Variants in RPS6KA5 observed in about 807,000 individuals in gnomAD.
The protein encoded by RPS6KA5 is ribosomal protein S6 kinase A5.
RPS6KA5 carries 27 observed loss-of-function variants against 85.5 expected under a neutral mutation model. The observed-to-expected ratio is 0.32, with a 90% CI of 0.23 to 0.44. The LOEUF (loss-of-function observed/expected upper bound fraction) is 0.44. Ranked by LOEUF, RPS6KA5 falls within the 20% of genes least tolerant of loss-of-function variation. RPS6KA5 has a pLI of 1.00. For synonymous variants in RPS6KA5, 334 were observed against 348.2 expected (o/e 0.96, Z 0.46); for missense variants, 811 against 980.9 (o/e 0.83, Z 2.31).
intron 5 of RPS6KA5, among the ~76,000 whole-genome samples, chr14:90,931,082 T>C (rs937133550): frequency 2.0e-5 from 3 of 152,222 alleles, no homozygotes; most frequent in Non-Finnish European, 4.4e-5. Flanking sequence ...GAAGAAATAT[T>C]TGCACAACCA....
intron 2 of RPS6KA5, among the ~76,000 whole-genome samples, chr14:90,981,273 A>G (rs959776676): frequency 1.3e-5 from 2 of 152,228 alleles, no homozygotes. Flanking sequence ...CTCTTCTTCT[A>G]TAAGATAATC....
At chr14:90,884,878 G>C (rs1458029522) in intron 14 of RPS6KA5, among the ~76,000 whole-genome samples, 11 of 152,176 alleles carry the variant, frequency 7.2e-5, no homozygotes, top group Admixed American at 5.9e-4. Context: ...ATGTTCAGTA[G>C]ATACTGCCAA....
At chr14:91,042,609 T>G (rs1040948722) in intron 1 of RPS6KA5, among the ~76,000 whole-genome samples, 2 of 152,202 alleles carry the variant, frequency 1.3e-5, no homozygotes, top group Non-Finnish European at 2.9e-5. Context: ...CTTCATAATT[T>G]GAGAAGAAAA....
chr14:90,955,327 G>T (rs1228730377), intron 3 of RPS6KA5, among the ~76,000 whole-genome samples: 2 of 152,122 alleles, frequency 1.3e-5, no homozygotes, highest in Non-Finnish European at 2.9e-5. Context: ...CAGTGCAGTG[G>T]TGTGATCATA....
chr14:91,044,439 AAGAAAG>A (rs1326928943), intron 1 of RPS6KA5, among the ~76,000 whole-genome samples: 6 of 145,890 alleles, frequency 4.1e-5, no homozygotes, highest in Admixed American at 1.4e-4. Flanking sequence ...GAAAGAAAGA[AAGAAAG>A]AAAATTACCC....
intron 4 of RPS6KA5, among the ~76,000 whole-genome samples, chr14:90,943,546 C>A (rs1595287072): frequency 6.6e-6 from 1 of 152,252 alleles, no homozygotes; most frequent in Non-Finnish European, 1.5e-5. Flanking sequence ...CACTTCCTAA[C>A]GGCTTCAGAA....
intron 1 of RPS6KA5, among the ~76,000 whole-genome samples, chr14:91,041,597 A>C (rs1036584594): frequency 2.0e-5 from 3 of 152,230 alleles, no homozygotes; most frequent in African/African-American, 7.2e-5. Flanking sequence ...CATACATAAG[A>C]ACTTAAAAAT....
chr14:90,987,930 A>G lies in RPS6KA5; in HGVS notation c.176-9406T>C, dbSNP rs952890331. Among the ~76,000 whole-genome samples the G allele has an allele frequency of 6.2e-4, 95 of 152,222 alleles. 1 individual carries two copies. Among genetic ancestry groups the G allele is most frequent in the African/African-American group, 2.2e-3 (93 of 41,494 alleles). On this transcript the variant is annotated intron_variant, in intron 2 of 16. Transcript: ENST00000614987. ...AGACCAGCTCCATACTATTCCATTT[A>G]CAAGGTTCTATGTTGTATGGTGTGT...
chr14:90,873,267 G>C (rs2033237135), intron 16 of RPS6KA5, among the ~76,000 whole-genome samples: 1 of 152,124 alleles, frequency 6.6e-6, no homozygotes, highest in Non-Finnish European at 1.5e-5. Context: ...AATGTGTGAT[G>C]TACTAAATGG....
chr14:90,973,642 C>T (rs1360735239), intron 3 of RPS6KA5, among the ~76,000 whole-genome samples: 6 of 151,572 alleles, frequency 4.0e-5, no homozygotes, highest in Non-Finnish European at 5.9e-5. Flanking sequence ...TGGAATGGAA[C>T]GAAGGACTGT....
chr14:90,956,618 G>A (rs1421057310), intron 3 of RPS6KA5, among the ~76,000 whole-genome samples: 1 of 149,664 alleles, frequency 6.7e-6, no homozygotes, highest in Non-Finnish European at 1.5e-5. Flanking sequence ...TTTGTTAACT[G>A]AATATTTTCT....
Position 90,871,496 on chromosome 14 carries a change from T to C in RPS6KA5, c.*578A>G, listed in dbSNP as rs1479161340. The C allele has an allele frequency of 2.6e-5, 4 of 151,860 alleles. No homozygotes were observed. Among genetic ancestry groups the C allele is most frequent in the African/African-American group, 9.7e-5 (4 of 41,382 alleles). The allele number at this position is 151,860 out of a possible 1,614,324, so 9.4% of individuals were successfully genotyped here. Reference sequence around the variant, plus strand: ...ACCTTGAGTTCTTATATCTTTTTTTTTTTTTTTCACTTTTTAGAAAAAGTT... The same window carrying C: ...ACCTTGAGTTCTTATATCTTTTTTTCTTTTTTTCACTTTTTAGAAAAAGTT... On this transcript the variant is annotated 3_prime_UTR_variant, in exon 17 of 17. Coordinates refer to ENST00000614987, the MANE Select transcript of RPS6KA5 (RefSeq NM_004755.4).
intron 7 of RPS6KA5, among the ~76,000 whole-genome samples, chr14:90,915,224 G>T (rs1270056943): frequency 6.6e-6 from 1 of 152,164 alleles, no homozygotes; most frequent in Non-Finnish European, 1.5e-5. Flanking sequence ...AAGGGCTCAT[G>T]GTAGGCAGAC....
intron 1 of RPS6KA5, chr14:91,052,187 C>A (rs2043108261): frequency 9.9e-6 from 3 of 304,466 alleles, no homozygotes; most frequent in African/African-American, 2.4e-5. Context: ...GTGGCTCATG[C>A]CTGTAATCCC....
At chr14:90,959,921 A>G (rs1475804668) in intron 3 of RPS6KA5, among the ~76,000 whole-genome samples, 2 of 152,256 alleles carry the variant, frequency 1.3e-5, no homozygotes, top group East Asian at 1.9e-4. Context: ...TTACAAACAA[A>G]CCAGCAAGTA....
intron 1 of RPS6KA5, among the ~76,000 whole-genome samples, chr14:91,016,429 CT>C (rs1422158043): frequency 6.6e-6 from 1 of 152,060 alleles, no homozygotes; most frequent in Non-Finnish European, 1.5e-5. Context: ...AATCTTTTTG[CT>C]TATTCAAAAT....
intron 8 of RPS6KA5, among the ~76,000 whole-genome samples, 166 bp from the exon 9 acceptor site, chr14:90,903,135 A>C (rs763929513): frequency 9.9e-5 from 15 of 152,200 alleles, no homozygotes; most frequent in Admixed American, 2.0e-4. Flanking sequence ...ACAAGATCAC[A>C]GCAGTTTATA....
At chr14:90,981,306 T>C (rs562345204) in intron 2 of RPS6KA5, among the ~76,000 whole-genome samples, 3 of 152,304 alleles carry the variant, frequency 2.0e-5, no homozygotes, top group African/African-American at 7.2e-5. Flanking sequence ...AAAAGCACTA[T>C]CATGTAATCT....
intron 1 of RPS6KA5, among the ~76,000 whole-genome samples, chr14:91,007,732 T>C (rs1402224697): frequency 1.3e-5 from 2 of 151,468 alleles, no homozygotes; most frequent in African/African-American, 2.4e-5. Flanking sequence ...GTAGTAGCCA[T>C]CCTAGTAGAT....
Sources: allele counts gnomAD v4.1 joint callset (sites outside exome capture counted in the v4.1 genomes callset), GRCh38; gene constraint gnomAD v4.1.1; transcripts MANE v1.5; gene names NCBI Gene and HGNC (gene_info 2026-07-23, HGNC 2026-07-21).